OTOP3: variants seen among roughly 807,000 people sequenced by gnomAD.
OTOP3 encodes proton channel OTOP3.
In OTOP3, 41 loss-of-function variants were observed where a neutral mutation model predicts 50.8. The ratio of observed to expected loss-of-function variants is 0.81; its 90% CI spans 0.63 to 1.05. OTOP3 has a LOEUF of 1.05. Ranked by LOEUF, OTOP3 falls within the 50% of genes least tolerant of loss-of-function variation. OTOP3 has a pLI of 0.00. For missense variants in OTOP3, 788 were observed against 760.8 expected (o/e 1.04, Z -0.42); for synonymous variants, 320 against 324.4 (o/e 0.99, Z 0.14).
intron 1 of OTOP3, among the ~76,000 whole-genome samples, chr17:74,938,052 G>A (rs781182391): frequency 7.2e-5 from 11 of 152,166 alleles, no homozygotes; most frequent in Non-Finnish European, 1.2e-4. Flanking sequence ...CCTTGAGTAC[G>A]GCAGGGGTGG....
At position 74,949,455 on chromosome 17, in the gene OTOP3, G is replaced by C; in HGVS notation, c.*39G>C. The C allele has an allele frequency of 1.2e-6, 2 of 1,603,212 alleles. No homozygotes were observed. The highest frequency in any genetic ancestry group is 1.7e-6 in the Non-Finnish European group (2 of 1,174,682). On this transcript the variant is annotated 3_prime_UTR_variant, in exon 7 of 7. Coordinates refer to ENST00000328801, the MANE Select transcript of OTOP3 (RefSeq NM_001272005.2). ...CGGCAGAACCTCGAAGTGCCAAGGT[G>C]GGGAAGATGGTAGCCCAGAGTCTCT... is the stretch of plus-strand genomic sequence containing the variant.
chr17:74,943,041 C>T (rs1240796122), intron 3 of OTOP3, among the ~76,000 whole-genome samples: 2 of 152,236 alleles, frequency 1.3e-5, no homozygotes, highest in East Asian at 3.8e-4. Context: ...CTTATTTCCC[C>T]CAACAAGAAA....
At chr17:74,948,250 A>G (rs1212665979) in intron 6 of OTOP3, among the ~76,000 whole-genome samples, 3 of 152,140 alleles carry the variant, frequency 2.0e-5, no homozygotes, top group African/African-American at 4.8e-5. Flanking sequence ...ATGACAGGGC[A>G]CAGTGGCTCA....
At chr17:74,936,582 C>T (rs1051679000) in intron 1 of OTOP3, among the ~76,000 whole-genome samples, 3 of 152,194 alleles carry the variant, frequency 2.0e-5, no homozygotes, top group African/African-American at 7.2e-5. Context: ...CCACTCCTGC[C>T]CCCTGCCCAG....
chr17:74,935,949 G>C lies in OTOP3; in HGVS notation c.19+9G>C, dbSNP rs1335763283. 6.5e-7 allele frequency: 1 copy of C among 1,542,418 alleles called. No homozygotes were observed. Among genetic ancestry groups the C allele is most frequent in the Non-Finnish European group, 8.7e-7 (1 of 1,146,674 alleles). On this transcript the variant is annotated intron_variant, in intron 1 of 6. Transcript: ENST00000328801. ...GCCTCTCCCGGCCTCAGGTAAGCCC[G>C]GAGCGCCGGCGGAACTTTCCCAGCT... is the stretch of plus-strand genomic sequence containing the variant.
Position 74,947,177 on chromosome 17 carries a change from G to A in OTOP3, c.1268G>A (p.Arg423His), listed in dbSNP as rs757283520. ...YFSIVAIVAK[R>H]PHELLNRLIL... is the part of the protein sequence containing the mutation. ...TCCATCGTGGCCATTGTGGCCAAGC[G>A]CCCGCATGAGCTGCTCAACCGCCTC... Residue 423 changes from arginine to histidine, a missense_variant, in exon 6 of 7, where the codon CGC (arginine) becomes CAC (histidine). Transcript: ENST00000328801. The A allele has an allele frequency of 7.4e-6, 12 of 1,613,908 alleles. No individual in the cohort carries two copies. The highest frequency in any genetic ancestry group is 4.5e-5 in the East Asian group (2 of 44,886).
chr17:74,943,428 G>A (rs2039196305), intron 4 of OTOP3, 84 bp downstream of exon 4: 3 of 1,496,634 alleles, frequency 2.0e-6, no homozygotes, highest in Non-Finnish European at 2.8e-6. Context: ...GGGGCTATAG[G>A]TTAGTCTGGG....
At chr17:74,940,651 G>T (rs2039163006) in intron 1 of OTOP3, among the ~76,000 whole-genome samples, 1 of 152,100 alleles carries the variant, frequency 6.6e-6, no homozygotes, top group Admixed American at 6.5e-5. Context: ...TCTAGGGGTT[G>T]CCCACTCCTC....
At chr17:74,937,546 C>T (rs961481897) in intron 1 of OTOP3, among the ~76,000 whole-genome samples, 2 of 152,074 alleles carry the variant, frequency 1.3e-5, no homozygotes, top group African/African-American at 4.8e-5. Flanking sequence ...CCGGTGAGCC[C>T]CAGCCTTGCT....
chr17:74,946,831 C>T lies in OTOP3; in HGVS notation c.922C>T (p.His308Tyr), dbSNP rs146981210. 1.1e-5 allele frequency: 18 copies of T among 1,610,966 alleles called. No homozygotes were observed. The Middle Eastern group carries it at 4.9e-4, about 44-fold the overall frequency. Residue 308 changes from histidine to tyrosine, a missense_variant, in exon 6 of 7, where the codon CAC becomes TAC. Coordinates refer to ENST00000328801, the MANE Select transcript of OTOP3 (RefSeq NM_001272005.2). ...GRHVAPHMGA[H>Y]PATAPFHLHG... Reference sequence around the variant, plus strand: ...CCACGTGGCACCCCACATGGGTGCCCACCCTGCCACCGCACCCTTCCACCT... The same window carrying T: ...CCACGTGGCACCCCACATGGGTGCCTACCCTGCCACCGCACCCTTCCACCT...
In OTOP3 at chr17:74,935,912, GC is replaced by G; in HGVS notation, c.-7del. On this transcript the variant is annotated 5_prime_UTR_variant, in exon 1 of 7. Transcript: ENST00000328801. Reference sequence around the variant, plus strand: ...GCTCAGCGCCCGCAGTCGGTGGTTAGCCCACGGCGATGCCTCTCCCGGCCTC... The same window carrying G: ...GCTCAGCGCCCGCAGTCGGTGGTTAGCCACGGCGATGCCTCTCCCGGCCTC... 5.2e-6 allele frequency: 8 copies of G among 1,546,344 alleles called. No homozygotes were observed. The highest frequency in any genetic ancestry group is 7.0e-6 in the Non-Finnish European group (8 of 1,146,710).
At chr17:74,942,349 G>A (rs566876338) in intron 3 of OTOP3, among the ~76,000 whole-genome samples, 2 of 152,190 alleles carry the variant, frequency 1.3e-5, no homozygotes, top group Admixed American at 6.5e-5. Context: ...ATACAATCTC[G>A]GCAGGGCGCA....
At position 74,935,904 on chromosome 17, in the gene OTOP3, G is replaced by C. The variant is rs763084768; in HGVS notation, c.-18G>C. ...GACGATCCGCTCAGCGCCCGCAGTCGGTGGTTAGCCCACGGCGATGCCTCT... is the reference window on the plus strand; with the variant it reads ...GACGATCCGCTCAGCGCCCGCAGTCCGTGGTTAGCCCACGGCGATGCCTCT... On this transcript the variant is annotated 5_prime_UTR_variant, in exon 1 of 7. Transcript: ENST00000328801. The C allele has an allele frequency of 5.8e-6, 9 of 1,546,772 alleles. No homozygotes were observed. Among genetic ancestry groups the C allele is most frequent in the Admixed American group, 2.0e-5 (1 of 50,972 alleles).
Position 74,947,345 on chromosome 17 carries a change from G to T in OTOP3, c.1436G>T (p.Gly479Val), listed in dbSNP as rs370046395. ...GKQEAEPPRR[G>V]SLLELGQGLQ... ...CAGGAGGCTGAGCCTCCCCGCAGAG[G>T]CTCCTTGCTGGAGCTGGGCCAGGGC... Residue 479 changes from glycine (G) to valine (V), a missense_variant, in exon 6 of 7, where the codon GGC becomes GTC. By Grantham distance (109) the Gly-to-Val change is moderately radical. Transcript: ENST00000328801. 5.0e-6 allele frequency: 8 copies of T among 1,612,992 alleles called. No individual in the cohort carries two copies. The highest frequency in any genetic ancestry group is 1.7e-5 in the Admixed American group (1 of 60,004).
In OTOP3 at chr17:74,941,940, A is replaced by G. The variant is rs763684053; in HGVS notation, c.476A>G (p.Asn159Ser). 3.7e-6 allele frequency: 6 copies of G among 1,612,718 alleles called. No homozygotes were observed. In the African/African-American group the frequency reaches 4.0e-5, roughly 11 times the overall value. Residue 159 changes from asparagine (N) to serine (S), a missense_variant, in exon 3 of 7, where the codon AAC becomes AGC. Coordinates refer to ENST00000328801, the MANE Select transcript of OTOP3 (RefSeq NM_001272005.2). ...TTCGGCAGCTGCACCTTCTGCCTCA[A>G]CATCTTCCGAGTGGGCTACGATGTG... ...VLFGSCTFCL[N>S]IFRVGYDVSH...
intron 6 of OTOP3, among the ~76,000 whole-genome samples, chr17:74,947,926 T>C (rs1205591738): frequency 6.6e-6 from 1 of 152,176 alleles, no homozygotes; most frequent in East Asian, 1.9e-4. Context: ...TGCTGTCCCT[T>C]TTCACAGAGG....
intron 3 of OTOP3, 76 bp downstream of exon 3, chr17:74,942,113 C>T (rs2039182965): frequency 6.6e-7 from 1 of 1,509,030 alleles, no homozygotes. Context: ...CCTCCCACTA[C>T]CTATGCCTAG....
rs762188602 is a variant in OTOP3, at chr17:74,946,767, C to T, written c.858C>T (p.Cys286=). ...YPFSTEYCLI[C]CAVLFVMWKN... Reference sequence around the variant, plus strand: ...TCAGCACTGAGTACTGCCTCATCTGCTGTGCTGTGCTGTTTGTCATGTGGA... The same window carrying T: ...TCAGCACTGAGTACTGCCTCATCTGTTGTGCTGTGCTGTTTGTCATGTGGA... Residue 286 remains cysteine (C), a synonymous_variant, in exon 6 of 7, where the codon TGC becomes TGT. Coordinates refer to ENST00000328801, the MANE Select transcript of OTOP3 (RefSeq NM_001272005.2). 8.7e-6 allele frequency: 14 copies of T among 1,612,950 alleles called. No homozygotes were observed. In the Admixed American group the frequency reaches 2.3e-4, roughly 27 times the overall value.
rs376636331 is a variant in OTOP3 at position 74,946,861 on chromosome 17, G to A, written c.952G>A (p.Gly318Arg). The A allele has an allele frequency of 2.5e-5, 41 of 1,610,674 alleles. No homozygotes were observed. Among genetic ancestry groups the A allele is most frequent in the Admixed American group, 1.0e-4 (6 of 60,014 alleles). Residue 318 changes from glycine to arginine, a missense_variant, in exon 6 of 7, where the codon GGG (glycine) becomes AGG (arginine). Coordinates refer to ENST00000328801, the MANE Select transcript of OTOP3 (RefSeq NM_001272005.2). The part of the protein sequence containing the change: ...HPATAPFHLH[G>R]AIFGPLLGLL... Reference sequence around the variant, plus strand: ...TGCCACCGCACCCTTCCACCTGCACGGGGCCATCTTCGGGCCGCTGCTGGG... The same window carrying A: ...TGCCACCGCACCCTTCCACCTGCACAGGGCCATCTTCGGGCCGCTGCTGGG...
Sources: allele counts gnomAD v4.1 joint callset (sites outside exome capture counted in the v4.1 genomes callset), GRCh38; gene constraint gnomAD v4.1.1; transcripts MANE v1.5; gene names NCBI Gene and HGNC (gene_info 2026-07-23, HGNC 2026-07-21).